CREB5: variants seen among roughly 807,000 people sequenced by gnomAD.
The protein encoded by CREB5 is cyclic AMP-responsive element-binding protein 5.
CREB5 carries 19 observed loss-of-function variants against 57.1 expected under a neutral mutation model. The ratio of observed to expected loss-of-function variants is 0.33; its 90% confidence interval spans 0.23 to 0.49. The LOEUF (loss-of-function observed/expected upper bound fraction) is 0.49, where lower values mean the gene tolerates loss of function less well. CREB5 is among the 20% of genes least tolerant of loss of function. The probability of loss-of-function intolerance (pLI) is 0.99; values close to 1 mark genes in which losing one functional copy is unlikely to be tolerated. For synonymous variants in CREB5, 238 were observed against 238.3 expected (o/e 1.00, Z 0.01); for missense variants, 579 against 671.6 (o/e 0.86, Z 1.52).
chr7:28,745,240 T>C (rs778540708), intron 7 of CREB5, among the ~76,000 whole-genome samples: 1 of 152,172 alleles, frequency 6.6e-6, no homozygotes, highest in Non-Finnish European at 1.5e-5. Context: ...CAGAAGTTGA[T>C]TGAAAGTGTG....
At chr7:28,786,850 G>A (rs1477297057) in intron 7 of CREB5, among the ~76,000 whole-genome samples, 1 of 152,186 alleles carries the variant, frequency 6.6e-6, no homozygotes, top group Non-Finnish European at 1.5e-5. Flanking sequence ...CAAAGTCCAT[G>A]TGCAAATCTA....
At chr7:28,795,471 AC>A (rs1424730942) in intron 7 of CREB5, among the ~76,000 whole-genome samples, 1 of 152,236 alleles carries the variant, frequency 6.6e-6, no homozygotes, top group Non-Finnish European at 1.5e-5. Context: ...AAAGGAGGGT[AC>A]CAGTATCTGG....
chr7:28,816,616 C>T (rs543767950), intron 9 of CREB5, among the ~76,000 whole-genome samples: 2 of 152,096 alleles, frequency 1.3e-5, no homozygotes, highest in East Asian at 3.9e-4. Flanking sequence ...TATGTGGTTG[C>T]TTATAATTTA....
At chr7:28,425,417 C>A (rs1230662904) in intron 1 of CREB5, among the ~76,000 whole-genome samples, 2 of 151,196 alleles carry the variant, frequency 1.3e-5, no homozygotes, top group Non-Finnish European at 2.9e-5. Context: ...AAGGTAGATT[C>A]ATGATTGCCT....
intron 7 of CREB5, among the ~76,000 whole-genome samples, chr7:28,803,755 CAAAAA>C (rs562078960): frequency 1.3e-5 from 1 of 79,798 alleles, no homozygotes; most frequent in African/African-American, 5.1e-5. Context: ...GACTCCATCT[CAAAAA>C]AAAAAAAAAA....
chr7:28,707,560 T>C (rs1409920240), intron 5 of CREB5, among the ~76,000 whole-genome samples: 1 of 152,220 alleles, frequency 6.6e-6, no homozygotes, highest in Admixed American at 6.5e-5. Flanking sequence ...TCAGCCACTA[T>C]GTCTGGAATA....
At chr7:28,331,880 T>C (rs1439168200) in intron 1 of CREB5, among the ~76,000 whole-genome samples, 1 of 150,998 alleles carries the variant, frequency 6.6e-6, no homozygotes, top group Non-Finnish European at 1.5e-5. Flanking sequence ...TTCTTTCATA[T>C]CTTATTTTAA....
At chr7:28,719,604 A>G (rs1401946970) in intron 6 of CREB5, among the ~76,000 whole-genome samples, 1 of 152,120 alleles carries the variant, frequency 6.6e-6, no homozygotes, top group African/African-American at 2.4e-5. Flanking sequence ...TGAGATAGAC[A>G]CTGTTTTTAT....
chr7:28,365,659 A>T (rs1221834335), intron 1 of CREB5, among the ~76,000 whole-genome samples: 1 of 152,148 alleles, frequency 6.6e-6, no homozygotes, highest in Non-Finnish European at 1.5e-5. Flanking sequence ...CCAACTGGGC[A>T]TCTGGCCCCT....
At chr7:28,301,403 TG>T (rs1347055867) in intron 1 of CREB5, among the ~76,000 whole-genome samples, 1 of 152,158 alleles carries the variant, frequency 6.6e-6, no homozygotes, top group Non-Finnish European at 1.5e-5. Flanking sequence ...ACAGATCACC[TG>T]GGGATCTTGT....
chr7:28,314,168 T>C (rs1318699940), intron 1 of CREB5, among the ~76,000 whole-genome samples: 5 of 152,216 alleles, frequency 3.3e-5, no homozygotes, highest in Non-Finnish European at 7.3e-5. Context: ...ATGTTTCTTG[T>C]AGCTATGTGA....
chr7:28,715,449 C>G (rs1802634210), intron 5 of CREB5, among the ~76,000 whole-genome samples: 1 of 151,986 alleles, frequency 6.6e-6, no homozygotes, highest in Non-Finnish European at 1.5e-5. Flanking sequence ...TATTTAAGTG[C>G]AATAGAAAAA....
intron 1 of CREB5, among the ~76,000 whole-genome samples, chr7:28,426,886 A>G (rs1788530747): frequency 1.3e-5 from 2 of 152,206 alleles, no homozygotes; most frequent in South Asian, 4.1e-4. Context: ...CACACAGTAG[A>G]TGGCAAATTA....
intron 7 of CREB5, among the ~76,000 whole-genome samples, chr7:28,763,948 C>T (rs1307085184): frequency 2.0e-5 from 3 of 151,950 alleles, no homozygotes; most frequent in Admixed American, 2.0e-4. Flanking sequence ...TACAGGTGTG[C>T]ACCACCATGC....
intron 7 of CREB5, among the ~76,000 whole-genome samples, chr7:28,734,402 C>T (rs1803858919): frequency 6.6e-6 from 1 of 152,024 alleles, no homozygotes; most frequent in Non-Finnish European, 1.5e-5. Flanking sequence ...ATTGGGTTCA[C>T]ACTAAATATA....
At chr7:28,789,217 G>C (rs754572262) in intron 7 of CREB5, among the ~76,000 whole-genome samples, 2 of 152,128 alleles carry the variant, frequency 1.3e-5, no homozygotes, top group African/African-American at 2.4e-5. Flanking sequence ...TGTTTTATAG[G>C]TATTATATGA....
At chr7:28,370,986 TC>T (rs1198333469) in intron 1 of CREB5, among the ~76,000 whole-genome samples, 6 of 152,210 alleles carry the variant, frequency 3.9e-5, no homozygotes, top group Admixed American at 3.3e-4. Context: ...GGGAATGAGT[TC>T]TTCCCTAGAC....
chr7:28,489,552 C>T (rs1033324706), intron 2 of CREB5, among the ~76,000 whole-genome samples: 14 of 152,038 alleles, frequency 9.2e-5, no homozygotes, highest in Non-Finnish European at 1.8e-4. Flanking sequence ...CCGCCTGCCT[C>T]GGCCTCCCAA....
intron 5 of CREB5, among the ~76,000 whole-genome samples, chr7:28,710,111 T>C (rs1233481232): frequency 6.6e-6 from 1 of 152,200 alleles, no homozygotes; most frequent in Non-Finnish European, 1.5e-5. Flanking sequence ...AACAAGTGGG[T>C]CTAGAACTCA....
Sources: allele counts gnomAD v4.1 joint callset (sites outside exome capture counted in the v4.1 genomes callset), GRCh38; gene constraint gnomAD v4.1.1; transcripts MANE v1.5; gene names NCBI Gene and HGNC (gene_info 2026-07-23, HGNC 2026-07-21).